The following DIS3L2 variants were observed in gnomAD, a reference collection of about 807,000 sequenced individuals.
The protein encoded by DIS3L2 is DIS3-like exonuclease 2.
DIS3L2 carries 34 observed loss-of-function variants against 97.5 expected under a neutral mutation model. That is an observed-to-expected ratio of 0.35 (90% CI 0.27 to 0.46). DIS3L2 has a LOEUF of 0.46. Among genes scored for constraint, DIS3L2 ranks in the 20% least tolerant of loss-of-function variants. The probability of loss-of-function intolerance (pLI) is 1.00; values close to 1 mark genes in which losing one functional copy is unlikely to be tolerated. For synonymous variants in DIS3L2, 435 were observed against 445.2 expected (o/e 0.98, Z 0.29); for missense variants, 1,038 against 1,146.0 (o/e 0.91, Z 1.36).
chr2:232,149,193 G>GTTT (rs762181547), intron 8 of DIS3L2, among the ~76,000 whole-genome samples: 3 of 137,724 alleles, frequency 2.2e-5, no homozygotes, highest in African/African-American at 2.6e-5. Flanking sequence ...GCGCTTAAAA[G>GTTT]TTTTTTTTTT....
intron 14 of DIS3L2, among the ~76,000 whole-genome samples, chr2:232,301,039 T>C (rs538424420): frequency 2.3e-4 from 35 of 152,322 alleles, no homozygotes; most frequent in Middle Eastern, 3.4e-3. Flanking sequence ...GCCCCGATGA[T>C]GACAATGATG....
chr2:232,214,490 A>G (rs149900217), intron 10 of DIS3L2, among the ~76,000 whole-genome samples: 2 of 152,326 alleles, frequency 1.3e-5, no homozygotes, highest in African/African-American at 4.8e-5. Context: ...GTTACTAGAT[A>G]ACAGTTATCA....
chr2:231,970,951 A>G (rs1692886337), intron 1 of DIS3L2, among the ~76,000 whole-genome samples: 1 of 152,124 alleles, frequency 6.6e-6, no homozygotes, highest in African/African-American at 2.4e-5. Context: ...TTTTTTGTTA[A>G]AAACTAAGAC....
At chr2:232,298,091 CA>C (rs1694765086) in intron 13 of DIS3L2, among the ~76,000 whole-genome samples, 1 of 152,132 alleles carries the variant, frequency 6.6e-6, no homozygotes, top group Admixed American at 6.5e-5. Flanking sequence ...CTCATCTGTC[CA>C]ACCTATTTTT....
At chr2:232,097,257 C>T (rs953518494) in intron 6 of DIS3L2, among the ~76,000 whole-genome samples, 12 of 152,152 alleles carry the variant, frequency 7.9e-5, no homozygotes, top group Non-Finnish European at 1.5e-4. Flanking sequence ...TTACTTTCTC[C>T]TAAACAAACC....
At chr2:232,285,137 G>T (rs1694394127) in intron 13 of DIS3L2, among the ~76,000 whole-genome samples, 1 of 151,990 alleles carries the variant, frequency 6.6e-6, no homozygotes, top group South Asian at 2.1e-4. Context: ...TTTCTGTTCT[G>T]CAGTTTTTGG....
intron 13 of DIS3L2, among the ~76,000 whole-genome samples, chr2:232,283,157 T>C (rs1426005448): frequency 6.6e-6 from 1 of 152,232 alleles, no homozygotes; most frequent in Non-Finnish European, 1.5e-5. Flanking sequence ...TTCGATCATT[T>C]AATCCTCAAG....
intron 13 of DIS3L2, among the ~76,000 whole-genome samples, chr2:232,279,078 T>C (rs1000744016): frequency 1.3e-5 from 2 of 152,084 alleles, no homozygotes; most frequent in Admixed American, 1.3e-4. Context: ...GTTGGGATTA[T>C]AGGCATGTGC....
intron 14 of DIS3L2, among the ~76,000 whole-genome samples, chr2:232,318,659 C>T (rs774634343): frequency 1.3e-5 from 2 of 152,164 alleles, no homozygotes; most frequent in East Asian, 1.9e-4. Flanking sequence ...CTGCTTCTCC[C>T]GGCTGGAGTG....
chr2:232,112,225 A>G (rs1410181445), intron 6 of DIS3L2, among the ~76,000 whole-genome samples: 1 of 152,230 alleles, frequency 6.6e-6, no homozygotes. Context: ...CTTGCCAGGT[A>G]ACTTGGACAA....
intron 13 of DIS3L2, among the ~76,000 whole-genome samples, chr2:232,277,526 T>G (rs1694171150): frequency 6.6e-6 from 1 of 152,152 alleles, no homozygotes; most frequent in Admixed American, 6.5e-5. Context: ...TTACTACCTT[T>G]TATTATTTTA....
At chr2:232,232,308 C>G (rs1300620660) in intron 10 of DIS3L2, among the ~76,000 whole-genome samples, 2 of 152,172 alleles carry the variant, frequency 1.3e-5, no homozygotes, top group African/African-American at 4.8e-5. Context: ...AGCAGGGCCT[C>G]TGGAGGGTGT....
chr2:232,109,895 A>G (rs1022367717), intron 6 of DIS3L2, among the ~76,000 whole-genome samples: 1 of 152,258 alleles, frequency 6.6e-6, no homozygotes, highest in Non-Finnish European at 1.5e-5. Flanking sequence ...GCATAGCAAA[A>G]GAAACTACCA....
intron 1 of DIS3L2, among the ~76,000 whole-genome samples, chr2:232,010,914 A>G (rs1694180225): frequency 6.6e-6 from 1 of 152,202 alleles, no homozygotes; most frequent in Non-Finnish European, 1.5e-5. Context: ...GGCTTCATTT[A>G]TTCCAATTTT....
intron 14 of DIS3L2, chr2:232,328,373 C>G (rs1456922188): frequency 1.3e-5 from 2 of 152,370 alleles, no homozygotes; most frequent in African/African-American, 4.8e-5. Context: ...AGCCCTTCTT[C>G]CTCTGCATCT....
intron 10 of DIS3L2, among the ~76,000 whole-genome samples, chr2:232,217,929 G>A (rs998666158): frequency 6.6e-6 from 1 of 152,242 alleles, no homozygotes; most frequent in Non-Finnish European, 1.5e-5. Context: ...CTCAGTGACA[G>A]ACTGAATGGA....
intron 14 of DIS3L2, chr2:232,328,360 C>T (rs1695634423): frequency 6.6e-6 from 1 of 152,336 alleles, no homozygotes; most frequent in Admixed American, 6.5e-5. Context: ...TGGGGCATTT[C>T]CCAGCCCTTC....
At chr2:232,049,483 T>A (rs772876122) in intron 5 of DIS3L2, among the ~76,000 whole-genome samples, 21 of 151,484 alleles carry the variant, frequency 1.4e-4, no homozygotes, top group Non-Finnish European at 2.2e-4. Context: ...CTTGCAGGAG[T>A]GGGTTTTCGT....
chr2:232,241,371 A>G (rs561202474), intron 11 of DIS3L2, among the ~76,000 whole-genome samples: 14 of 152,336 alleles, frequency 9.2e-5, no homozygotes, highest in African/African-American at 3.4e-4. Flanking sequence ...TCTATAGGGA[A>G]TGTGGCACTG....
Sources: gnomAD v4.1 joint callset for allele counts (sites outside exome capture counted in the v4.1 genomes callset) on GRCh38, gnomAD v4.1.1 for gene constraint, MANE v1.5 for transcripts, NCBI Gene and HGNC (gene_info 2026-07-23, HGNC 2026-07-21) for gene names.